TCF7L1: variants seen among roughly 807,000 people sequenced by gnomAD.
TCF7L1 encodes transcription factor 7-like 1.
In TCF7L1, 18 loss-of-function variants were observed where a neutral mutation model predicts 63.7. The observed-to-expected ratio is 0.28, with a 90% confidence interval of 0.20 to 0.42. The LOEUF is 0.42. Among genes scored for constraint, TCF7L1 ranks in the 10% least tolerant of loss-of-function variants. TCF7L1 has a pLI of 1.00. For synonymous variants in TCF7L1, 355 were observed against 340.9 expected (o/e 1.04, Z -0.46); for missense variants, 654 against 779.3 (o/e 0.84, Z 1.91).
In TCF7L1 at chr2:85,255,133, T is replaced by C. The variant is rs972669384; in HGVS notation, c.442-28362T>C. 4.6e-5 allele frequency among the ~76,000 whole-genome samples: 7 copies of C among 152,244 alleles called. No homozygotes were observed. In the East Asian group the frequency reaches 1.4e-3, roughly 29 times the overall value. ...CCTCAAGAGTGTGTCTTGAGCTGGTTAGAAACTTACCATCCTGGGCCCCAC... is the reference window on the plus strand; with the variant it reads ...CCTCAAGAGTGTGTCTTGAGCTGGTCAGAAACTTACCATCCTGGGCCCCAC... On this transcript the variant is annotated intron_variant, in intron 3 of 11. Coordinates refer to ENST00000282111, the MANE Select transcript of TCF7L1 (RefSeq NM_031283.3).
intron 3 of TCF7L1, among the ~76,000 whole-genome samples, chr2:85,146,497 C>CTTTTTTTTTTTTTT (rs554058692): frequency 1.3e-4 from 13 of 103,608 alleles, no homozygotes; most frequent in Non-Finnish European, 1.9e-4. Context: ...TTCTTTCTTT[C>CTTTTTTTTTTTTTT]TTTTTTTTTT....
chr2:85,269,659 G>A (rs139981950), intron 3 of TCF7L1, among the ~76,000 whole-genome samples: 1 of 152,106 alleles, frequency 6.6e-6, no homozygotes, highest in Admixed American at 6.5e-5. Context: ...ATATTTTAAG[G>A]CCGATTAATG....
chr2:85,289,072 C>T (rs1460345534), intron 4 of TCF7L1, among the ~76,000 whole-genome samples: 1 of 152,174 alleles, frequency 6.6e-6, no homozygotes, highest in African/African-American at 2.4e-5. Flanking sequence ...TCATTCAGAA[C>T]TGTTTTTTAA....
Position 85,303,990 on chromosome 2 carries a change from G to T in TCF7L1, c.754G>T (p.Val252Phe). ...AATCCCCCACCCCCTCGGCTGGCTC[G>T]TCCCACAGTAAGGAACCCACAGCCT... is the stretch of plus-strand genomic sequence containing the variant. ...GQIPHPLGWL[V>F]PQQGQPMYSL... The change falls in exon 6 of 12, where the codon GTC becomes TTC. Residue 252 changes from valine (V) to phenylalanine (F), a missense_variant. This residue lies in a region of TCF7L1 where 404 missense variants were observed against 454.8 expected (regional missense o/e 0.89). Coordinates refer to ENST00000282111, the MANE Select transcript of TCF7L1 (RefSeq NM_031283.3). The T allele has an allele frequency of 1.9e-6, 3 of 1,551,452 alleles. No individual in the cohort carries two copies. Among genetic ancestry groups the T allele is most frequent in the Non-Finnish European group, 2.6e-6 (3 of 1,154,660 alleles).
intron 4 of TCF7L1, among the ~76,000 whole-genome samples, chr2:85,299,325 G>A (rs543638585): frequency 5.3e-5 from 8 of 152,030 alleles, no homozygotes; most frequent in African/African-American, 1.7e-4. Flanking sequence ...TGAGGCAGGG[G>A]GATCGCCTGA....
chr2:85,267,048 G>C (rs1044128310), intron 3 of TCF7L1, among the ~76,000 whole-genome samples: 7 of 152,190 alleles, frequency 4.6e-5, no homozygotes, highest in Non-Finnish European at 8.8e-5. Context: ...AAAGGATTGA[G>C]AGTTGGCCTT....
At chr2:85,213,079 G>A (rs1210776269) in intron 3 of TCF7L1, among the ~76,000 whole-genome samples, 1 of 150,038 alleles carries the variant, frequency 6.7e-6, no homozygotes, top group Non-Finnish European at 1.5e-5. Flanking sequence ...TGACCCAAGG[G>A]AGGCCCAGAA....
chr2:85,222,351 A>G (rs1423603543), intron 3 of TCF7L1, among the ~76,000 whole-genome samples: 2 of 144,960 alleles, frequency 1.4e-5, no homozygotes, highest in African/African-American at 5.1e-5. Context: ...AAAAAAAAAA[A>G]CAAACAAACA....
chr2:85,236,359 C>T (rs1680192414), intron 3 of TCF7L1, among the ~76,000 whole-genome samples: 1 of 152,190 alleles, frequency 6.6e-6, no homozygotes, highest in South Asian at 2.1e-4. Flanking sequence ...TTGTCCTGGA[C>T]TCCAGGAGAC....
At chr2:85,290,528 G>C (rs1196881194) in intron 4 of TCF7L1, among the ~76,000 whole-genome samples, 6 of 152,156 alleles carry the variant, frequency 3.9e-5, no homozygotes, top group Non-Finnish European at 8.8e-5. Flanking sequence ...TGAGTATATA[G>C]TTCTGTGAGT....
chr2:85,230,423 T>A (rs1383480786), intron 3 of TCF7L1, among the ~76,000 whole-genome samples: 2 of 150,738 alleles, frequency 1.3e-5, no homozygotes, highest in Non-Finnish European at 3.0e-5. Flanking sequence ...AACCTCCACC[T>A]CCTGGGTTCA....
intron 3 of TCF7L1, among the ~76,000 whole-genome samples, chr2:85,200,938 C>T (rs1248113821): frequency 6.6e-6 from 1 of 152,248 alleles, no homozygotes; most frequent in South Asian, 2.1e-4. Context: ...CGGTGGCTCA[C>T]GTCTGTAATC....
intron 3 of TCF7L1, among the ~76,000 whole-genome samples, chr2:85,237,314 A>G (rs1680216034): frequency 6.6e-6 from 1 of 152,120 alleles, no homozygotes; most frequent in Admixed American, 6.6e-5. Flanking sequence ...CACAGCTCAC[A>G]GTTATAACAA....
intron 3 of TCF7L1, among the ~76,000 whole-genome samples, chr2:85,217,832 A>C (rs1245226595): frequency 1.3e-5 from 2 of 152,198 alleles, no homozygotes; most frequent in South Asian, 2.1e-4. Flanking sequence ...CCCAGTCAGC[A>C]TCTCATTTGA....
At chr2:85,304,363 C>T (rs1372852850) in intron 7 of TCF7L1, 25 bp downstream of exon 7, 15 of 1,608,670 alleles carry the variant, frequency 9.3e-6, no homozygotes, top group Middle Eastern at 1.7e-4. Context: ...TGGGGCTGTC[C>T]GCATGTTTGT....
intron 3 of TCF7L1, among the ~76,000 whole-genome samples, chr2:85,264,859 A>G (rs1680931869): frequency 6.6e-6 from 1 of 152,232 alleles, no homozygotes; most frequent in Non-Finnish European, 1.5e-5. Context: ...TTTATGGCAT[A>G]TGGGTTATGA....
intron 4 of TCF7L1, among the ~76,000 whole-genome samples, chr2:85,287,209 A>G (rs1558657018): frequency 6.6e-6 from 1 of 152,192 alleles, no homozygotes. Context: ...AACACAGCCG[A>G]CAGCCAAGGC....
At chr2:85,156,226 G>T (rs1452415914) in intron 3 of TCF7L1, among the ~76,000 whole-genome samples, 1 of 152,212 alleles carries the variant, frequency 6.6e-6, no homozygotes, top group Non-Finnish European at 1.5e-5. Flanking sequence ...ATGTCGGTGA[G>T]CACAAGCCTC....
chr2:85,225,369 G>C (rs1004110240), intron 3 of TCF7L1, among the ~76,000 whole-genome samples: 1 of 152,202 alleles, frequency 6.6e-6, no homozygotes, highest in African/African-American at 2.4e-5. Flanking sequence ...ACCTTGGGCA[G>C]TATGGCCATT....
Sources: allele counts gnomAD v4.1 joint callset (sites outside exome capture counted in the v4.1 genomes callset), GRCh38; gene constraint gnomAD v4.1.1; regional missense constraint gnomAD v4.1.1; transcripts MANE v1.5; gene names NCBI Gene and HGNC (gene_info 2026-07-23, HGNC 2026-07-21).